Variants in GRM7 observed in about 807,000 individuals in gnomAD.
GRM7 encodes metabotropic glutamate receptor 7.
Under a neutral mutation model 84.5 loss-of-function variants are expected in GRM7, and 35 were observed. The observed-to-expected ratio is 0.41, with a 90% CI of 0.32 to 0.55. The LOEUF (loss-of-function observed/expected upper bound fraction) is 0.55. Among genes scored for constraint, GRM7 ranks in the 20% least tolerant of loss-of-function variants. GRM7 has a pLI of 0.19. For synonymous variants in GRM7, 487 were observed against 455.1 expected, an observed-to-expected ratio of 1.07 and a Z score of -0.89; for missense variants, 1,003 against 1,194.6, an observed-to-expected ratio of 0.84 and a Z score of 2.36.
chr3:7,561,707 C>CA (rs949537957), intron 7 of GRM7: 14 of 347,408 alleles, frequency 4.0e-5, no homozygotes, highest in Admixed American at 1.7e-4. Context: ...CTTCTCAATG[C>CA]AAAAAAATAA....
At chr3:7,568,844 C>T (rs944827544) in intron 7 of GRM7, among the ~76,000 whole-genome samples, 5 of 152,218 alleles carry the variant, frequency 3.3e-5, no homozygotes, top group Admixed American at 6.5e-5. Flanking sequence ...GGGGAGGGCT[C>T]GGGACCTGCA....
At chr3:7,490,206 T>C (rs1699471317) in intron 7 of GRM7, among the ~76,000 whole-genome samples, 1 of 152,212 alleles carries the variant, frequency 6.6e-6, no homozygotes, top group African/African-American at 2.4e-5. Flanking sequence ...TTCTTTTTTC[T>C]GAACCATTTT....
intron 7 of GRM7, among the ~76,000 whole-genome samples, chr3:7,516,045 T>G (rs1048569731): frequency 6.6e-6 from 1 of 151,400 alleles, no homozygotes; most frequent in Non-Finnish European, 1.5e-5. Flanking sequence ...TACATGCCTG[T>G]GGTCTCAACT....
intron 4 of GRM7, among the ~76,000 whole-genome samples, chr3:7,310,515 G>A (rs1322946654): frequency 1.3e-5 from 2 of 152,050 alleles, no homozygotes; most frequent in African/African-American, 4.8e-5. Context: ...ACCTGCAATG[G>A]TCTACCTGTG....
intron 8 of GRM7, among the ~76,000 whole-genome samples, chr3:7,612,732 A>G (rs903755544): frequency 6.6e-6 from 1 of 152,184 alleles, no homozygotes; most frequent in Non-Finnish European, 1.5e-5. Flanking sequence ...GGCCATCCAT[A>G]TTTGTTAATA....
chr3:7,388,444 C>T (rs1160588150), intron 4 of GRM7, among the ~76,000 whole-genome samples: 2 of 151,990 alleles, frequency 1.3e-5, no homozygotes, highest in African/African-American at 4.8e-5. Context: ...ATCAGAATGA[C>T]ACTAGTTTTG....
In GRM7 at chr3:6,862,029, A is replaced by T; in HGVS notation, c.519+122A>T. On this transcript the variant is annotated intron_variant, in intron 1 of 9. Coordinates refer to ENST00000357716, the MANE Select transcript of GRM7 (RefSeq NM_000844.4). This position sits in a 1 kb window ranked among gnomAD's most constrained non-coding sequence, Gnocchi z 5.2. ...GCCTTCGCTCATTTCCTCCCTGGAG[A>T]TCCTGCCGAATCCCTCCCACCCCGC... 1 of 741,146 alleles carries T rather than the reference A, an allele frequency of 1.3e-6. No individual in the cohort carries two copies. Among genetic ancestry groups the T allele is most frequent in the East Asian group, 2.7e-5 (1 of 36,916 alleles). The allele number at this position is 741,146 out of a possible 1,614,324, so 45.9% of individuals were successfully genotyped here.
At chr3:6,880,149 G>A (rs1695455733) in intron 1 of GRM7, among the ~76,000 whole-genome samples, 1 of 152,116 alleles carries the variant, frequency 6.6e-6, no homozygotes, top group Non-Finnish European at 1.5e-5. Flanking sequence ...AGGGAATGAG[G>A]GGAGAATGGG....
intron 7 of GRM7, 45 bp from the exon 8 acceptor site, chr3:7,578,377 C>G: frequency 7.6e-7 from 1 of 1,316,398 alleles, no homozygotes; most frequent in Non-Finnish European, 1.1e-6. Flanking sequence ...TTTCTATTCT[C>G]TTGAAGAATC....
intron 2 of GRM7, among the ~76,000 whole-genome samples, chr3:7,165,779 A>G (rs1020603152): frequency 6.6e-6 from 1 of 152,154 alleles, no homozygotes; most frequent in Non-Finnish European, 1.5e-5. Flanking sequence ...CTCTATTTAC[A>G]TGTTTATAAT....
chr3:7,375,504 C>T (rs1694313193), intron 4 of GRM7, among the ~76,000 whole-genome samples: 1 of 152,128 alleles, frequency 6.6e-6, no homozygotes, highest in African/African-American at 2.4e-5. Context: ...AGGCGTGAGC[C>T]ACCGTGCCCG....
At chr3:7,100,383 T>C (rs1699068511) in intron 1 of GRM7, among the ~76,000 whole-genome samples, 2 of 151,614 alleles carry the variant, frequency 1.3e-5, no homozygotes, top group African/African-American at 4.8e-5. Context: ...TTGATGCAGC[T>C]CCCCAAGAGG....
In GRM7 at chr3:7,142,072, T is replaced by A. The variant is rs962004782; in HGVS notation, c.520-4380T>A. On this transcript the variant is annotated intron_variant, in intron 1 of 9. Transcript: ENST00000357716. ...CTGAGGATTTTGTTTTGACTTATAATGACAGTGAAAACTTGAAAAGGTTTA... is the reference window on the plus strand; with the variant it reads ...CTGAGGATTTTGTTTTGACTTATAAAGACAGTGAAAACTTGAAAAGGTTTA... Among the ~76,000 whole-genome samples the A allele has an allele frequency of 2.0e-4, 30 of 152,112 alleles. 2 individuals carry two copies. The highest frequency in any genetic ancestry group is 1.3e-3 in the Admixed American group (20 of 15,240).
intron 1 of GRM7, among the ~76,000 whole-genome samples, chr3:7,132,952 A>AT (rs752405191): frequency 2.0e-4 from 30 of 150,608 alleles, no homozygotes; most frequent in South Asian, 8.4e-4. Flanking sequence ...TGAATAATCG[A>AT]TTTTTTTTTT....
At chr3:7,333,973 T>C (rs1251796668) in intron 4 of GRM7, among the ~76,000 whole-genome samples, 3 of 151,884 alleles carry the variant, frequency 2.0e-5, no homozygotes, top group Admixed American at 2.0e-4. Flanking sequence ...TTATGTTAAA[T>C]GACCAAACAT....
chr3:7,147,874 C>T (rs954331211), intron 2 of GRM7, among the ~76,000 whole-genome samples: 5 of 152,128 alleles, frequency 3.3e-5, no homozygotes, highest in Admixed American at 1.3e-4. Flanking sequence ...ATGCAACACT[C>T]GGAAAAACTT....
At chr3:7,435,787 A>G (rs1040039357) in intron 5 of GRM7, among the ~76,000 whole-genome samples, 2 of 140,914 alleles carry the variant, frequency 1.4e-5, no homozygotes, top group Admixed American at 7.6e-5. Context: ...TGCCGGGTTC[A>G]TGCCATTCTC....
At chr3:7,166,228 A>G (rs1391386206) in intron 2 of GRM7, among the ~76,000 whole-genome samples, 1 of 144,114 alleles carries the variant, frequency 6.9e-6, no homozygotes, top group Admixed American at 6.7e-5. Context: ...TTCCAGGTTT[A>G]AATAAAGTTT....
chr3:7,019,451 CCT>C (rs1038176855), intron 1 of GRM7, among the ~76,000 whole-genome samples: 2 of 152,126 alleles, frequency 1.3e-5, no homozygotes, highest in East Asian at 3.8e-4. Context: ...CCTATCCATC[CCT>C]CTCTCTCCCC....
Sources: allele counts gnomAD v4.1 joint callset (sites outside exome capture counted in the v4.1 genomes callset), GRCh38; gene constraint gnomAD v4.1.1; non-coding constraint Gnocchi (gnomAD v3.1); transcripts MANE v1.5; gene names NCBI Gene and HGNC (gene_info 2026-07-23, HGNC 2026-07-21).